HRH2: variants seen among roughly 807,000 people sequenced by gnomAD.
The protein encoded by HRH2 is histamine receptor H2.
HRH2 carries 4 observed loss-of-function variants against 20.1 expected under a neutral mutation model. The observed-to-expected ratio is 0.20, with a 90% confidence interval of 0.10 to 0.45. The LOEUF (loss-of-function observed/expected upper bound fraction) is 0.45. HRH2 is among the 20% of genes least tolerant of loss of function. HRH2 has a pLI of 0.99. For missense variants in HRH2, 250 were observed against 461.6 expected, an observed-to-expected ratio of 0.54 and a Z score of 4.20; for synonymous variants, 197 against 200.7, an observed-to-expected ratio of 0.98 and a Z score of 0.16.
At chr5:175,692,316 T>A (rs973018531) in intron 2 of HRH2, among the ~76,000 whole-genome samples, 3 of 152,196 alleles carry the variant, frequency 2.0e-5, no homozygotes, top group African/African-American at 7.2e-5. Context: ...GGTCACGAAA[T>A]GTTATTCTAT....
intron 1 of HRH2, among the ~76,000 whole-genome samples, chr5:175,659,144 G>C (rs937158860): frequency 1.3e-5 from 2 of 152,164 alleles, no homozygotes; most frequent in African/African-American, 4.8e-5. Flanking sequence ...GGGAATGTGG[G>C]GGGCCCAGAA....
intron 2 of HRH2, among the ~76,000 whole-genome samples, chr5:175,701,220 G>A (rs1260477254): frequency 1.3e-5 from 2 of 152,190 alleles, no homozygotes; most frequent in Non-Finnish European, 2.9e-5. Context: ...CTGTCCCCTG[G>A]TGGCTGAACA....
rs1240500824 is a variant in HRH2, at chr5:175,709,737, C to T, written c.*1766C>T. The stretch of plus-strand genomic sequence containing the variant: ...GTCTCCATCAGGACAGTTGGAACAC[C>T]TCTTCTCAGCACTCTCGCCCCCACC... On this transcript the variant is annotated 3_prime_UTR_variant, in exon 3 of 3. Coordinates refer to ENST00000636584, the MANE Select transcript of HRH2 (RefSeq NM_001367711.1). 2.6e-5 allele frequency: 4 copies of T among 152,648 alleles called. No individual in the cohort carries two copies. Among genetic ancestry groups the T allele is most frequent in the African/African-American group, 9.7e-5 (4 of 41,430 alleles). The allele number at this position is 152,648 out of a possible 1,614,324, so 9.5% of individuals were successfully genotyped here.
chr5:175,707,893 G>T lies in HRH2; in HGVS notation c.1191G>T (p.Ser397=), dbSNP rs995091868. The T allele has an allele frequency of 5.0e-6, 2 of 399,212 alleles. No individual in the cohort carries two copies. Among genetic ancestry groups the T allele is most frequent in the African/African-American group, 2.1e-5 (1 of 48,754 alleles). The allele number at this position is 399,212 out of a possible 1,614,324, so 24.7% of individuals were successfully genotyped here. A position where few individuals can be genotyped will look rare whatever the true frequency, so the allele number is the denominator to read the frequency against. ...RHMGGPSEEL[S]GEPLSEEPQK... is the part of the protein sequence containing the mutation. ...TGGGAGGCCCCTCGGAGGAGCTATCGGGGGAGCCACTGTCTGAGGAGCCAC... is the reference window on the plus strand; with the variant it reads ...TGGGAGGCCCCTCGGAGGAGCTATCTGGGGAGCCACTGTCTGAGGAGCCAC... The change falls in exon 3 of 3, where the codon TCG becomes TCT. Residue 397 remains serine (S), a synonymous_variant. Transcript: ENST00000636584.
At chr5:175,667,017 C>CATATATATATATATATATATAT (rs143167989) in intron 1 of HRH2, among the ~76,000 whole-genome samples, 228 of 150,316 alleles carry the variant, frequency 1.5e-3, no homozygotes, top group African/African-American at 5.0e-3. Context: ...CAAATAAAGG[C>CATATATATATATATATATATAT]ATATATATAT....
chr5:175,694,244 A>G (rs1408130395), intron 2 of HRH2, among the ~76,000 whole-genome samples: 1 of 152,162 alleles, frequency 6.6e-6, no homozygotes, highest in Non-Finnish European at 1.5e-5. Flanking sequence ...TAAATTTTCC[A>G]GGTCAGGGAG....
intron 1 of HRH2, among the ~76,000 whole-genome samples, chr5:175,682,031 C>T (rs776828867): frequency 4.6e-5 from 7 of 152,208 alleles, no homozygotes; most frequent in Non-Finnish European, 8.8e-5. Context: ...TTTTATGACA[C>T]GTGAAAATGA....
rs374250049 is a variant in HRH2, at chr5:175,683,347, C to T, written c.114C>T (p.Val38=). ...TCATCACCGTTGCTGGCAATGTGGT[C>T]GTCTGTCTGGCCGTGGGCTTGAACC... is the stretch of plus-strand genomic sequence containing the variant. ...LILITVAGNV[V]VCLAVGLNRR... The change falls in exon 2 of 3, where the codon GTC becomes GTT. Residue 38 remains valine, a synonymous_variant. Transcript: ENST00000636584. The T allele has an allele frequency of 6.2e-6, 10 of 1,614,034 alleles. No individual in the cohort carries two copies. Among genetic ancestry groups the T allele is most frequent in the South Asian group, 3.3e-5 (3 of 91,076 alleles).
chr5:175,666,208 G>A (rs1288165250), intron 1 of HRH2, among the ~76,000 whole-genome samples: 1 of 152,196 alleles, frequency 6.6e-6, no homozygotes, highest in Non-Finnish European at 1.5e-5. Context: ...TAGAGGCTGA[G>A]CCAGTGTGGG....
At position 175,683,371 on chromosome 5, in the gene HRH2, C is replaced by T. The variant is rs921736827; in HGVS notation, c.138C>T (p.Asn46=). The T allele has an allele frequency of 6.2e-7, 1 of 1,614,090 alleles. No individual in the cohort carries two copies. The change falls in exon 2 of 3, where the codon AAC becomes AAT. Residue 46 remains asparagine, a synonymous_variant. Coordinates refer to ENST00000636584, the MANE Select transcript of HRH2 (RefSeq NM_001367711.1). ...NVVVCLAVGL[N]RRLRNLTNCF... is the part of the protein sequence containing the mutation. The stretch of plus-strand genomic sequence containing the variant: ...TCGTCTGTCTGGCCGTGGGCTTGAA[C>T]CGCCGGCTCCGCAACCTGACCAATT...
chr5:175,680,201 G>C (rs896939342), intron 1 of HRH2, among the ~76,000 whole-genome samples: 1 of 152,226 alleles, frequency 6.6e-6, no homozygotes, highest in Non-Finnish European at 1.5e-5. Flanking sequence ...ATCCTCATGA[G>C]AGCAGGTGCA....
Position 175,683,210 on chromosome 5 carries a change from G to A in HRH2, c.-24G>A, listed in dbSNP as rs370528097. On this transcript the variant is annotated 5_prime_UTR_variant, in exon 2 of 3. Transcript: ENST00000636584. ...AGAAGCAACCAGGGGCCCTGATCAG[G>A]GGACTGAGCCGTAGAGTCCCAGGAT... 3 of 1,599,882 alleles carry A rather than the reference G, an allele frequency of 1.9e-6. No individual in the cohort carries two copies. The highest frequency in any genetic ancestry group is 2.6e-6 in the Non-Finnish European group (3 of 1,170,382).
chr5:175,679,117 C>T (rs1212887349), intron 1 of HRH2, among the ~76,000 whole-genome samples: 4 of 152,180 alleles, frequency 2.6e-5, no homozygotes, highest in Non-Finnish European at 5.9e-5. Flanking sequence ...CTTCACCCTC[C>T]AAGCCCTCAT....
intron 1 of HRH2, among the ~76,000 whole-genome samples, chr5:175,663,628 G>A (rs1183029485): frequency 6.6e-6 from 1 of 152,126 alleles, no homozygotes; most frequent in East Asian, 1.9e-4. Context: ...CCTCAAAAGG[G>A]CCAGCTCGTT....
rs1756204018 is a variant in HRH2 at position 175,687,264 on chromosome 5, G to T, written c.1076+2955G>T. Among the ~76,000 whole-genome samples, 1 of 152,160 alleles carries T rather than the reference G, an allele frequency of 6.6e-6. No individual in the cohort carries two copies. The highest frequency in any genetic ancestry group is 2.4e-5 in the African/African-American group (1 of 41,456). ...ACTGCCAGGGCGATCAGGGCCTCGTGTGTCCCTCGATAAGCTCGGCTGCCA... is the reference window on the plus strand; with the variant it reads ...ACTGCCAGGGCGATCAGGGCCTCGTTTGTCCCTCGATAAGCTCGGCTGCCA... On this transcript the variant is annotated intron_variant, in intron 2 of 2. Transcript: ENST00000636584. This position sits in a 1 kb window ranked among gnomAD's most constrained non-coding sequence, Gnocchi z 5.2.
rs993305244 is a variant in HRH2 at position 175,663,435 on chromosome 5, G to T, written c.-526+5280G>T. ...ACTTTGAGCATCCTTCAGTGTGCTT[G>T]TTGGCCATTTGTGTATCTTCTTTGG... On this transcript the variant is annotated intron_variant, in intron 1 of 2. Transcript: ENST00000636584. 1.3e-5 allele frequency among the ~76,000 whole-genome samples: 2 copies of T among 152,204 alleles called. 1 individual carries two copies. Among genetic ancestry groups the T allele is most frequent in the Non-Finnish European group, 2.9e-5 (2 of 68,044 alleles).
intron 2 of HRH2, among the ~76,000 whole-genome samples, chr5:175,705,421 T>C (rs1169049079): frequency 6.6e-6 from 1 of 152,044 alleles, no homozygotes; most frequent in Non-Finnish European, 1.5e-5. Flanking sequence ...CTCGAAACAA[T>C]CCAGATGTCC....
Position 175,682,941 on chromosome 5 carries a change from C to T in HRH2, c.-293C>T. 2.7e-6 allele frequency: 1 copy of T among 371,142 alleles called. No individual in the cohort carries two copies. Among genetic ancestry groups the T allele is most frequent in the Non-Finnish European group, 4.8e-6 (1 of 206,654 alleles). 23.0% of individuals were successfully genotyped at this position (371,142 alleles called of 1,614,324 possible). On this transcript the variant is annotated 5_prime_UTR_variant, in exon 2 of 3. Transcript: ENST00000636584. Reference sequence around the variant, plus strand: ...AGCTCTTCAGGGGACCGTCTGAGGACTGGAGTTTGATCCATGAACCTGGCT... The same window carrying T: ...AGCTCTTCAGGGGACCGTCTGAGGATTGGAGTTTGATCCATGAACCTGGCT...
At chr5:175,658,800 G>A (rs947153638) in intron 1 of HRH2, among the ~76,000 whole-genome samples, 2 of 152,196 alleles carry the variant, frequency 1.3e-5, no homozygotes, top group Non-Finnish European at 2.9e-5. Flanking sequence ...TTGCCTGTGG[G>A]ATGAGCAGAG....
Sources: allele counts gnomAD v4.1 joint callset (sites outside exome capture counted in the v4.1 genomes callset), GRCh38; gene constraint gnomAD v4.1.1; non-coding constraint Gnocchi (gnomAD v3.1); transcripts MANE v1.5; gene names NCBI Gene and HGNC (gene_info 2026-07-23, HGNC 2026-07-21).